ZNF205: variants seen among roughly 807,000 people sequenced by gnomAD.
ZNF205 encodes the protein transcriptional repressor RHIT.
Under a neutral mutation model 53.6 loss-of-function variants are expected in ZNF205, and 32 were observed. The observed-to-expected ratio is 0.60, with a 90% CI of 0.45 to 0.80. The LOEUF is 0.80. ZNF205 is among the 30% of genes least tolerant of loss of function. The probability of loss-of-function intolerance (pLI) is 0.00; values close to 1 mark genes in which losing one functional copy is unlikely to be tolerated. For missense variants in ZNF205, 836 were observed against 782.4 expected (o/e 1.07, Z -0.82); for synonymous variants, 382 against 334.3 (o/e 1.14, Z -1.56).
chr16:3,115,191 C>T lies in ZNF205; in HGVS notation c.58-164C>T, dbSNP rs1957323523. On this transcript the variant is annotated intron_variant, in intron 2 of 6. Transcript: ENST00000219091. ...GGAGGCGGCTTGGTGAATATTCCTC[C>T]TCTTGCCGCCCGTCCTTGCTGGGGT... The T allele has an allele frequency of 2.0e-5, 10 of 510,196 alleles. No individual in the cohort carries two copies. In the East Asian group the frequency reaches 3.5e-4, roughly 18 times the overall value. 31.6% of individuals were successfully genotyped at this position (510,196 alleles called of 1,614,324 possible).
Position 3,115,855 on chromosome 16 carries a change from C to T in ZNF205, c.298C>T (p.Leu100Phe), listed in dbSNP as rs553960419. ...CCTCCCCTCCCCCCGGATCCCCGTG[C>T]TTTCCCGAGAGGGGAGGACCAGAGA... ...GALPSPRIPV[L>F]SREGRTRDRQ... The change falls in exon 4 of 7, where the codon CTT becomes TTT. Residue 100 changes from leucine (L) to phenylalanine (F), a missense_variant. Transcript: ENST00000219091. 4.3e-6 allele frequency: 7 copies of T among 1,614,034 alleles called. No individual in the cohort carries two copies. In the South Asian group the frequency reaches 6.6e-5, roughly 15 times the overall value.
intron 5 of ZNF205, among the ~76,000 whole-genome samples, chr16:3,117,304 GGA>G (rs939338882): frequency 6.6e-6 from 1 of 152,126 alleles, no homozygotes; most frequent in Non-Finnish European, 1.5e-5. Flanking sequence ...TGCTTGCCCT[GGA>G]GAGAGATGGC....
At chr16:3,116,347 CA>C in intron 4 of ZNF205, 79 bp from the exon 5 acceptor site, 1 of 1,579,960 alleles carries the variant, frequency 6.3e-7, no homozygotes, top group South Asian at 1.2e-5. Context: ...TCCGGGGTCT[CA>C]CCACACATCT....
chr16:3,112,724 C>G (rs1451640441), intron 1 of ZNF205, 42 bp downstream of exon 1: 1 of 269,888 alleles, frequency 3.7e-6, no homozygotes, highest in Admixed American at 4.4e-5. Context: ...ATCCCGAGAC[C>G]GGCGCAGATG....
Position 3,116,456 on chromosome 16 carries a change from G to T in ZNF205, c.393G>T (p.Leu131Phe). The change falls in exon 5 of 7, where the codon TTG becomes TTT. Residue 131 changes from leucine (L) to phenylalanine (F), a missense_variant. By Grantham distance (22) the Leu-to-Phe change is conservative. Coordinates refer to ENST00000219091, the MANE Select transcript of ZNF205 (RefSeq NM_001042428.2). ...QMPVTFEDVA[L>F]YLSREEWGRL... ...CAGTGACTTTCGAGGATGTGGCCTT[G>T]TACCTCTCCCGGGAGGAGTGGGGAC... The T allele has an allele frequency of 1.2e-6, 2 of 1,614,144 alleles. No homozygotes were observed. The highest frequency in any genetic ancestry group is 1.7e-6 in the Non-Finnish European group (2 of 1,180,036).
intron 2 of ZNF205, among the ~76,000 whole-genome samples, chr16:3,114,486 G>C (rs768786649): frequency 3.3e-5 from 5 of 152,194 alleles, no homozygotes; most frequent in Non-Finnish European, 4.4e-5. Flanking sequence ...AACACAGACA[G>C]GGCGTGGAGG....
rs1596298027 is a variant in ZNF205, at chr16:3,116,367, G to T, written c.364-60G>T. 4.4e-6 allele frequency: 7 copies of T among 1,599,606 alleles called. No homozygotes were observed. In the East Asian group the frequency reaches 1.6e-4, roughly 36 times the overall value. On this transcript the variant is annotated intron_variant, in intron 4 of 6. Coordinates refer to ENST00000219091, the MANE Select transcript of ZNF205 (RefSeq NM_001042428.2). The stretch of plus-strand genomic sequence containing the variant: ...GGTCTCACCACACATCTCATGCCAT[G>T]GTGTCCCTCCACCGTGTCCACGTCA...
At position 3,112,666 on chromosome 16, in the gene ZNF205, C is replaced by A; in HGVS notation, c.-31C>A. The A allele has an allele frequency of 3.3e-6, 1 of 307,554 alleles. No individual in the cohort carries two copies. Among genetic ancestry groups the A allele is most frequent in the Non-Finnish European group, 6.5e-6 (1 of 152,912 alleles). The allele number at this position is 307,554 out of a possible 1,614,324, so 19.1% of individuals were successfully genotyped here. ...GGGGCCCCCACTGCCGCAGGTGCCC[C>A]CTCTGCCTCCACCCCGGTGAGAAGG... On this transcript the variant is annotated 5_prime_UTR_variant, in exon 1 of 7. Transcript: ENST00000219091.
Position 3,116,482 on chromosome 16 carries a change from G to T in ZNF205, c.419G>T (p.Arg140Leu). Reference protein sequence around the residue: ...ALYLSREEWGRLDHTQQNFYR... With the variant: ...ALYLSREEWGLLDHTQQNFYR... ...TACCTCTCCCGGGAGGAGTGGGGACGGCTGGACCACACGCAGCAGAACTTC... is the reference window on the plus strand; with the variant it reads ...TACCTCTCCCGGGAGGAGTGGGGACTGCTGGACCACACGCAGCAGAACTTC... The change falls in exon 5 of 7, where the codon CGG becomes CTG. Residue 140 changes from arginine to leucine, a missense_variant. Coordinates refer to ENST00000219091, the MANE Select transcript of ZNF205 (RefSeq NM_001042428.2). The T allele has an allele frequency of 6.2e-7, 1 of 1,614,092 alleles. No homozygotes were observed.
In ZNF205 at chr16:3,112,596, C is replaced by T; in HGVS notation, c.-101C>T. 1 of 337,284 alleles carries T rather than the reference C, an allele frequency of 3.0e-6. No individual in the cohort carries two copies. The highest frequency in any genetic ancestry group is 2.2e-5 in the South Asian group (1 of 44,842). 20.9% of individuals were successfully genotyped at this position (337,284 alleles called of 1,614,324 possible). ...CTACTCCCAGTCTCCACCCAACTCCCCCGCCCGCCCCGTGCAGGCTGTGGA... is the reference window on the plus strand; with the variant it reads ...CTACTCCCAGTCTCCACCCAACTCCTCCGCCCGCCCCGTGCAGGCTGTGGA... On this transcript the variant is annotated 5_prime_UTR_variant, in exon 1 of 7. Transcript: ENST00000219091.
intron 4 of ZNF205, chr16:3,116,165 G>T (rs1262262117): frequency 1.5e-6 from 1 of 649,714 alleles, no homozygotes. Context: ...ACCGTCCTCC[G>T]AGGTCTCAGC....
Position 3,120,187 on chromosome 16 carries a change from C to T in ZNF205, c.1527C>T (p.Cys509=), listed in dbSNP as rs12032. ...TGCGGCCCTACGCCTGCCCGTTGTG[C>T]GGCAAGAGCTTCAGCCGGCGCTCCA... ...RGVRPYACPL[C]GKSFSRRSNL... The change falls in exon 7 of 7, where the codon TGC becomes TGT. Residue 509 remains cysteine (C), a synonymous_variant. Transcript: ENST00000219091. 0.39 allele frequency: 621,590 copies of T among 1,612,680 alleles called. 121,646 individuals are homozygous for T. Among genetic ancestry groups the T allele is most frequent in the Admixed American group, 0.47 (28,196 of 59,962 alleles).
In ZNF205 at chr16:3,120,109, G is replaced by C. The variant is rs766281876; in HGVS notation, c.1449G>C (p.Lys483Asn). The change falls in exon 7 of 7, where the codon AAG (lysine) becomes AAC (asparagine). Residue 483 changes from lysine (K) to asparagine (N), a missense_variant. Transcript: ENST00000219091. ...CCTACCACTGCCTCGACTGCGGCAA[G>C]AGCTTCAGCCACAGCTCGCACCTCA... ...EKPYHCLDCG[K>N]SFSHSSHLTA... 1.2e-6 allele frequency: 2 copies of C among 1,613,822 alleles called. No homozygotes were observed.
intron 2 of ZNF205, 129 bp from the exon 3 acceptor site, chr16:3,115,226 G>A (rs1027351889): frequency 1.5e-6 from 1 of 688,456 alleles, no homozygotes; most frequent in Admixed American, 3.5e-5. Context: ...TGAGCTGGAT[G>A]AATGCAGCAA....
At chr16:3,112,913 A>T (rs1957286577) in intron 1 of ZNF205, 2 of 195,694 alleles carry the variant, frequency 1.0e-5, no homozygotes. Context: ...GAGAGCGGGC[A>T]GGTTGATTTC....
chr16:3,118,958 G>A lies in ZNF205; in HGVS notation c.538G>A (p.Ala180Thr). ...CCCTCAAGCGCACGGCAAGGGTGAG[G>A]CCTCGGGCTCCAGCCGGCAGGCAGG... is the stretch of plus-strand genomic sequence containing the variant. The part of the protein sequence containing the change: ...WAPQAHGKGE[A>T]SGSSRQAGDE... Residue 180 changes from alanine to threonine, a missense_variant, in exon 6 of 7, where the codon GCC (alanine) becomes ACC (threonine). Transcript: ENST00000219091. 1 of 1,613,648 alleles carries A rather than the reference G, an allele frequency of 6.2e-7. No individual in the cohort carries two copies. Among genetic ancestry groups the A allele is most frequent in the Non-Finnish European group, 8.5e-7 (1 of 1,179,978 alleles).
Position 3,120,165 on chromosome 16 carries a change from G to T in ZNF205, c.1505G>T (p.Arg502Leu). 1 of 1,606,626 alleles carries T rather than the reference G, an allele frequency of 6.2e-7. No homozygotes were observed. Among genetic ancestry groups the T allele is most frequent in the Non-Finnish European group, 8.5e-7 (1 of 1,175,452 alleles). ...TAHQRTHRGV[R>L]PYACPLCGKS... is the part of the protein sequence containing the mutation. ...CACCAGCGCACCCACCGTGGCGTGC[G>T]GCCCTACGCCTGCCCGTTGTGCGGC... The change falls in exon 7 of 7, where the codon CGG becomes CTG. Residue 502 changes from arginine to leucine, a missense_variant. Physicochemically the swap from Arg to Leu is moderately radical, Grantham distance 102. Transcript: ENST00000219091.
At chr16:3,115,122 G>A (rs1957322358) in intron 2 of ZNF205, 1 of 364,438 alleles carries the variant, frequency 2.7e-6, no homozygotes, top group Non-Finnish European at 4.9e-6. Context: ...GGCTGGAGCT[G>A]AGAAGGGGTA....
Position 3,116,009 on chromosome 16 carries a change from A to C in ZNF205, c.363+89A>C. On this transcript the variant is annotated intron_variant, in intron 4 of 6. Coordinates refer to ENST00000219091, the MANE Select transcript of ZNF205 (RefSeq NM_001042428.2). The stretch of plus-strand genomic sequence containing the variant: ...TGAAAGCCAGGACCCCGCTGGCCCC[A>C]CTTGCAGCCAAGCCTGAAGCCTGGG... 4 of 1,360,994 alleles carry C rather than the reference A, an allele frequency of 2.9e-6. No individual in the cohort carries two copies. In the South Asian group the frequency reaches 5.0e-5, roughly 17 times the overall value. 84.3% of individuals were successfully genotyped at this position (1,360,994 alleles called of 1,614,324 possible). A position where few individuals can be genotyped will look rare whatever the true frequency, so the allele number is the denominator to read the frequency against.
Sources: gnomAD v4.1 joint callset for allele counts (sites outside exome capture counted in the v4.1 genomes callset) on GRCh38, gnomAD v4.1.1 for gene constraint, MANE v1.5 for transcripts, NCBI Gene and HGNC (gene_info 2026-07-23, HGNC 2026-07-21) for gene names.